Variants in UGGT2 observed in about 807,000 individuals in gnomAD.
UGGT2 encodes the protein UDP-glucose glycoprotein glucosyltransferase 2.
A neutral mutation model predicts 192.1 loss-of-function variants in UGGT2; 180 were observed. That is an observed-to-expected ratio of 0.94 (90% CI 0.83 to 1.06). UGGT2 has a LOEUF of 1.06. Among genes scored for constraint, UGGT2 ranks in the 50% least tolerant of loss-of-function variants. The probability of loss-of-function intolerance (pLI) is 0.00; values close to 1 mark genes in which losing one functional copy is unlikely to be tolerated. For missense variants in UGGT2, 1,849 were observed against 1,795.7 expected, an observed-to-expected ratio of 1.03 and a Z score of -0.54; for synonymous variants, 580 against 591.0, an observed-to-expected ratio of 0.98 and a Z score of 0.27.
In UGGT2 at chr13:96,053,341, G is replaced by A. The variant is rs368926256; in HGVS notation, c.-29C>T. The A allele has an allele frequency of 4.4e-5, 70 of 1,574,056 alleles. No individual in the cohort carries two copies. Among genetic ancestry groups the A allele is most frequent in the Non-Finnish European group, 5.8e-5 (68 of 1,170,012 alleles). ...ACGGAGAGAAAAGCGCGAGTCCCTCGGACCCGGTACCCACAGTCTGTGGCC... is the reference window on the plus strand; with the variant it reads ...ACGGAGAGAAAAGCGCGAGTCCCTCAGACCCGGTACCCACAGTCTGTGGCC... On this transcript the variant is annotated 5_prime_UTR_variant, in exon 1 of 39. Transcript: ENST00000376747.
In UGGT2 at chr13:95,882,883, T is replaced by C. The variant is rs1292116189; in HGVS notation, c.3228+1608A>G. On this transcript the variant is annotated intron_variant, in intron 27 of 38. Coordinates refer to ENST00000376747, the MANE Select transcript of UGGT2 (RefSeq NM_020121.4). ...TTGGATAGCATGTTTAAAAGTTACC[T>C]TATTGAGTATATTGCCGCACTCTCT... is the stretch of plus-strand genomic sequence containing the variant. Among the ~76,000 whole-genome samples, 3 of 152,236 alleles carry C rather than the reference T, an allele frequency of 2.0e-5. No homozygotes were observed. The East Asian group carries it at 5.8e-4, about 29-fold the overall frequency.
At chr13:95,807,956 T>G (rs1566531382) in intron 38 of UGGT2, among the ~76,000 whole-genome samples, 1 of 152,082 alleles carries the variant, frequency 6.6e-6, no homozygotes, top group Non-Finnish European at 1.5e-5. Flanking sequence ...CTGACAATCT[T>G]TTCCAAAGAG....
At chr13:96,046,930 C>G (rs1021432294) in intron 1 of UGGT2, among the ~76,000 whole-genome samples, 2 of 152,168 alleles carry the variant, frequency 1.3e-5, no homozygotes, top group Admixed American at 1.3e-4. Context: ...GAGGGGCACC[C>G]GCCATTGCTG....
chr13:95,937,111 A>C, intron 16 of UGGT2, 23 bp from the exon 17 acceptor site: 1 of 1,567,650 alleles, frequency 6.4e-7, no homozygotes, highest in Non-Finnish European at 8.6e-7. Context: ...AAAATATCAG[A>C]GTGTTAAACA....
At chr13:95,996,248 TC>T in intron 6 of UGGT2, 113 bp from the exon 7 acceptor site, 1 of 883,716 alleles carries the variant, frequency 1.1e-6, no homozygotes, top group Non-Finnish European at 1.8e-6. Flanking sequence ...ATGCCTGTAA[TC>T]CCAGCACTTT....
At chr13:95,917,999 A>G (rs111900746) in intron 20 of UGGT2, among the ~76,000 whole-genome samples, 3,260 of 152,254 alleles carry the variant, frequency 0.021, 112 homozygotes, top group African/African-American at 0.075. Flanking sequence ...AATTAACAAA[A>G]ATATTCACGA....
intron 4 of UGGT2, among the ~76,000 whole-genome samples, chr13:96,017,527 T>C (rs2052376534): frequency 6.6e-6 from 1 of 152,214 alleles, no homozygotes; most frequent in African/African-American, 2.4e-5. Flanking sequence ...ACTTATAAAT[T>C]ACCCAGCCTC....
chr13:96,022,018 T>C (rs2052529218), intron 4 of UGGT2, among the ~76,000 whole-genome samples: 2 of 152,014 alleles, frequency 1.3e-5, no homozygotes, highest in Admixed American at 1.3e-4. Context: ...TAAGGCATTC[T>C]GGAGGAAAAA....
chr13:95,965,751 A>C (rs563541827), intron 12 of UGGT2, among the ~76,000 whole-genome samples: 1 of 152,262 alleles, frequency 6.6e-6, no homozygotes, highest in African/African-American at 2.4e-5. Context: ...AATAATAATG[A>C]AAAAAATAAA....
At chr13:95,818,105 C>T (rs575118075) in intron 38 of UGGT2, among the ~76,000 whole-genome samples, 1 of 152,218 alleles carries the variant, frequency 6.6e-6, no homozygotes, top group South Asian at 2.1e-4. Context: ...CAGGGAGTTC[C>T]AGAACAGCCC....
At chr13:95,869,029 T>TC (rs905917110) in intron 29 of UGGT2, among the ~76,000 whole-genome samples, 2 of 128,348 alleles carry the variant, frequency 1.6e-5, no homozygotes, top group Non-Finnish European at 3.3e-5. Flanking sequence ...ATGCTATCCC[T>TC]CCCCCCTCCC....
Position 95,801,595 on chromosome 13 carries a change from G to C in UGGT2, c.*195C>G, listed in dbSNP as rs1884061108. On this transcript the variant is annotated 3_prime_UTR_variant, in exon 39 of 39. Coordinates refer to ENST00000376747, the MANE Select transcript of UGGT2 (RefSeq NM_020121.4). Reference sequence around the variant, plus strand: ...AACAATCAGGTTTTAAATACTCAATGGTCATTTATTATATAACTTAAACTC... The same window carrying C: ...AACAATCAGGTTTTAAATACTCAATCGTCATTTATTATATAACTTAAACTC... 2 of 514,922 alleles carry C rather than the reference G, an allele frequency of 3.9e-6. No individual in the cohort carries two copies. Among genetic ancestry groups the C allele is most frequent in the South Asian group, 3.5e-5 (1 of 28,772 alleles). 31.9% of individuals were successfully genotyped at this position (514,922 alleles called of 1,614,324 possible).
chr13:95,994,400 T>A (rs1431753465), intron 7 of UGGT2, among the ~76,000 whole-genome samples: 1 of 151,842 alleles, frequency 6.6e-6, no homozygotes, highest in Non-Finnish European at 1.5e-5. Flanking sequence ...TTAGCTAACA[T>A]TATTACAATA....
chr13:95,855,414 T>C (rs573620970), intron 34 of UGGT2, among the ~76,000 whole-genome samples: 4 of 151,882 alleles, frequency 2.6e-5, no homozygotes, highest in Admixed American at 2.6e-4. Context: ...TTCCCACTAA[T>C]GATGCAAAAG....
At chr13:95,810,681 C>T (rs1015574957) in intron 38 of UGGT2, among the ~76,000 whole-genome samples, 6 of 152,120 alleles carry the variant, frequency 3.9e-5, no homozygotes, top group South Asian at 4.2e-4. Flanking sequence ...TGGACCTGTG[C>T]GGTTCAAACC....
chr13:95,898,420 G>A (rs1164607782), intron 22 of UGGT2, among the ~76,000 whole-genome samples: 9 of 152,026 alleles, frequency 5.9e-5, no homozygotes, highest in Non-Finnish European at 1.0e-4. Flanking sequence ...TGATTCACAG[G>A]ATTCACAGAC....
At chr13:96,051,593 T>A (rs2053487581) in intron 1 of UGGT2, among the ~76,000 whole-genome samples, 2 of 150,874 alleles carry the variant, frequency 1.3e-5, no homozygotes, top group African/African-American at 2.4e-5. Context: ...TCTATACATC[T>A]GAAAAAGGAT....
intron 10 of UGGT2, chr13:95,983,453 C>CT (rs1456766288): frequency 5.6e-6 from 2 of 359,058 alleles, no homozygotes; most frequent in Non-Finnish European, 1.1e-5. Flanking sequence ...TAGGATTCTA[C>CT]CGTTCCAGTG....
chr13:95,861,867 T>G (rs1194893542), intron 31 of UGGT2, among the ~76,000 whole-genome samples: 1 of 150,320 alleles, frequency 6.7e-6, no homozygotes. Flanking sequence ...CAAAGCATCA[T>G]AAGACACACA....
Sources: allele counts gnomAD v4.1 joint callset (sites outside exome capture counted in the v4.1 genomes callset), GRCh38; gene constraint gnomAD v4.1.1; transcripts MANE v1.5; gene names NCBI Gene and HGNC (gene_info 2026-07-23, HGNC 2026-07-21).